The following CACNA1E variants were observed in gnomAD, a reference collection of about 807,000 sequenced individuals.
CACNA1E encodes the protein calcium voltage-gated channel subunit alpha1 E.
A neutral mutation model predicts 259.2 loss-of-function variants in CACNA1E; 40 were observed. The ratio of observed to expected loss-of-function variants is 0.15; its 90% CI spans 0.12 to 0.20. The LOEUF (loss-of-function observed/expected upper bound fraction) is 0.20. Among genes scored for constraint, CACNA1E ranks in the 10% least tolerant of loss-of-function variants. The probability of loss-of-function intolerance (pLI) is 1.00; values close to 1 mark genes in which losing one functional copy is unlikely to be tolerated. For synonymous variants in CACNA1E, 1,104 were observed against 1,138.5 expected (o/e 0.97, Z 0.61); for missense variants, 1,874 against 3,040.1 (o/e 0.62, Z 9.02).
intron 1 of CACNA1E, among the ~76,000 whole-genome samples, chr1:181,339,170 T>G (rs1339698639): frequency 6.6e-6 from 1 of 152,208 alleles, no homozygotes; most frequent in East Asian, 1.9e-4. Flanking sequence ...ATACAGATTT[T>G]AGAATTGTTT....
intron 11 of CACNA1E, among the ~76,000 whole-genome samples, 183 bp from the exon 12 acceptor site, chr1:181,717,872 G>A (rs997611576): frequency 6.6e-6 from 1 of 152,148 alleles, no homozygotes; most frequent in Non-Finnish European, 1.5e-5. Context: ...AGTGCACCTG[G>A]GACTCGGCCT....
chr1:181,593,175 T>C (rs556847036), intron 6 of CACNA1E, among the ~76,000 whole-genome samples: 76 of 151,976 alleles, frequency 5.0e-4, no homozygotes, highest in African/African-American at 1.8e-3. Flanking sequence ...ACTATATGAG[T>C]GTACTATTTT....
chr1:181,413,216 G>C (rs965834191), exon 2 of CACNA1E: 5 of 153,128 alleles, frequency 3.3e-5, no homozygotes, highest in African/African-American at 1.2e-4. Context: ...CCCGGCTGCG[G>C]GGAGCCCTGA....
chr1:181,369,167 G>T (rs1018249954), intron 1 of CACNA1E, among the ~76,000 whole-genome samples: 46 of 152,336 alleles, frequency 3.0e-4, no homozygotes, highest in African/African-American at 1.0e-3. Flanking sequence ...GTGAATAGTT[G>T]TGTGTCAACA....
intron 3 of CACNA1E, among the ~76,000 whole-genome samples, chr1:181,550,207 A>C (rs1647975598): frequency 6.6e-6 from 1 of 152,116 alleles, no homozygotes; most frequent in Non-Finnish European, 1.5e-5. Flanking sequence ...GGGGGATGAG[A>C]GGGAAGAATC....
chr1:181,580,360 G>A (rs963687868), intron 5 of CACNA1E, among the ~76,000 whole-genome samples: 2 of 152,180 alleles, frequency 1.3e-5, no homozygotes, highest in African/African-American at 2.4e-5. Flanking sequence ...GAGAGCAGGG[G>A]ACTATGTGGA....
At position 181,715,376 on chromosome 1, in the gene CACNA1E, A is replaced by G; in HGVS notation, c.1210A>G (p.Thr404Ala). The part of the protein sequence containing the change: ...MLAEENKNAG[T>A]SALEVLRRAT... ...CGCTGAAGAAAATAAAAATGCTGGA[A>G]CATCCGCCTTAGAAGGTAAGGAAAT... Residue 404 changes from threonine (T) to alanine (A), a missense_variant, in exon 9 of 48, where the codon ACA becomes GCA. By Grantham distance (58) the Thr-to-Ala change is moderately conservative. Coordinates refer to ENST00000367573, the MANE Select transcript of CACNA1E (RefSeq NM_001205293.3). The G allele has an allele frequency of 6.3e-7, 1 of 1,597,304 alleles. No individual in the cohort carries two copies. The highest frequency in any genetic ancestry group is 8.6e-7 in the Non-Finnish European group (1 of 1,167,416).
At chr1:181,575,261 G>A (rs1380087851) in intron 3 of CACNA1E, among the ~76,000 whole-genome samples, 1 of 152,180 alleles carries the variant, frequency 6.6e-6, no homozygotes, top group African/African-American at 2.4e-5. Flanking sequence ...GCTGCAGTGT[G>A]GTTGGGAGAA....
chr1:181,449,492 G>C (rs960948942), intron 2 of CACNA1E, among the ~76,000 whole-genome samples: 1 of 152,196 alleles, frequency 6.6e-6, no homozygotes, highest in Non-Finnish European at 1.5e-5. Context: ...ACCTGACTCT[G>C]ACATATCAGG....
intron 6 of CACNA1E, among the ~76,000 whole-genome samples, chr1:181,646,462 A>G (rs1658273475): frequency 6.6e-6 from 1 of 152,128 alleles, no homozygotes; most frequent in African/African-American, 2.4e-5. Flanking sequence ...GGTGTTCCCC[A>G]GAGACCCTTT....
At chr1:181,639,074 TTAGAG>T (rs1395695985) in intron 6 of CACNA1E, among the ~76,000 whole-genome samples, 2 of 152,248 alleles carry the variant, frequency 1.3e-5, no homozygotes, top group East Asian at 1.9e-4. Flanking sequence ...AATGTCCAGC[TTAGAG>T]TAGAGTAGAT....
chr1:181,745,328 G>T (rs766258263), intron 25 of CACNA1E: 1 of 488,350 alleles, frequency 2.0e-6, no homozygotes, highest in Non-Finnish European at 4.0e-6. Flanking sequence ...GAACACCCAA[G>T]TATTTTTTTT....
chr1:181,738,898 A>C (rs1321126682), intron 24 of CACNA1E, among the ~76,000 whole-genome samples: 1 of 152,174 alleles, frequency 6.6e-6, no homozygotes, highest in African/African-American at 2.4e-5. Context: ...CATAAATGAA[A>C]GGAGGAATGT....
chr1:181,400,717 C>T (rs1000543457), intron 1 of CACNA1E, among the ~76,000 whole-genome samples: 9 of 152,106 alleles, frequency 5.9e-5, no homozygotes, highest in Admixed American at 5.9e-4. Flanking sequence ...TAGGGAGTGG[C>T]CATCACGGGC....
upstream of CACNA1E, chr1:181,483,506 T>C (rs1197239318): frequency 2.3e-5 from 8 of 343,806 alleles, 1 homozygote; most frequent in African/African-American, 6.6e-5. Context: ...TTTTTCTTTT[T>C]TTTTTTTTTC....
At chr1:181,453,534 G>C (rs1661284872) in intron 2 of CACNA1E, among the ~76,000 whole-genome samples, 1 of 152,172 alleles carries the variant, frequency 6.6e-6, no homozygotes, top group Non-Finnish European at 1.5e-5. Flanking sequence ...AGGGGTGGAT[G>C]GAGTAAGTGC....
At chr1:181,785,686 T>C (rs1391836311) in intron 42 of CACNA1E, 27 bp from the exon 43 acceptor site, 1 of 1,472,400 alleles carries the variant, frequency 6.8e-7, no homozygotes, top group Admixed American at 1.7e-5. Context: ...TGGAATTCTT[T>C]CCTTCTTCTT....
chr1:181,650,828 A>G (rs1050131223), intron 6 of CACNA1E, among the ~76,000 whole-genome samples: 2 of 152,324 alleles, frequency 1.3e-5, no homozygotes, highest in South Asian at 2.1e-4. Flanking sequence ...GTGCTATTGT[A>G]CTATGATGGA....
intron 3 of CACNA1E, among the ~76,000 whole-genome samples, chr1:181,537,243 G>A (rs928908940): frequency 4.6e-5 from 7 of 151,808 alleles, no homozygotes; most frequent in African/African-American, 1.7e-4. Flanking sequence ...GGGATTACAG[G>A]CATGAACCAC....
Sources: gnomAD v4.1 joint callset for allele counts (sites outside exome capture counted in the v4.1 genomes callset) on GRCh38, gnomAD v4.1.1 for gene constraint, MANE v1.5 for transcripts, NCBI Gene and HGNC (gene_info 2026-07-23, HGNC 2026-07-21) for gene names.